The following STK32A variants were observed in gnomAD, a reference collection of about 807,000 sequenced individuals.
STK32A encodes the protein serine/threonine kinase 32A, also known as serine/threonine-protein kinase 32A.
Under a neutral mutation model 53.2 loss-of-function variants are expected in STK32A, and 41 were observed. The ratio of observed to expected loss-of-function variants is 0.77; its 90% confidence interval spans 0.60 to 1.00. The LOEUF (loss-of-function observed/expected upper bound fraction) is 1.00, where lower values mean the gene tolerates loss of function less well. STK32A is among the 50% of genes least tolerant of loss of function. The pLI, the probability that STK32A is intolerant of heterozygous loss-of-function variation, is 0.00. For synonymous variants in STK32A, 166 were observed against 162.8 expected (o/e 1.02, Z -0.15); for missense variants, 458 against 485.8 (o/e 0.94, Z 0.54).
At chr5:147,381,598 A>C (rs1757454224) in intron 11 of STK32A, among the ~76,000 whole-genome samples, 1 of 151,738 alleles carries the variant, frequency 6.6e-6, no homozygotes, top group Non-Finnish European at 1.5e-5. Context: ...AGCTGAGAGC[A>C]TGCCACTTCA....
intron 4 of STK32A, among the ~76,000 whole-genome samples, chr5:147,289,740 A>C (rs758086868): frequency 8.5e-5 from 13 of 152,068 alleles, no homozygotes; most frequent in Non-Finnish European, 1.5e-4. Flanking sequence ...TAGAAAAATG[A>C]AAATTCTTCA....
intron 1 of STK32A, among the ~76,000 whole-genome samples, chr5:147,237,629 T>G (rs1753377971): frequency 6.6e-6 from 1 of 152,156 alleles, no homozygotes; most frequent in Non-Finnish European, 1.5e-5. Flanking sequence ...CTACCCCTAC[T>G]CACTCCCTCT....
chr5:147,312,432 A>T lies in STK32A; in HGVS notation c.261-11466A>T, dbSNP rs1405631692. 7.9e-5 allele frequency among the ~76,000 whole-genome samples: 12 copies of T among 152,176 alleles called. 1 individual carries two copies. The highest frequency in any genetic ancestry group is 7.9e-4 in the Admixed American group (12 of 15,278). On this transcript the variant is annotated intron_variant, in intron 4 of 12. Coordinates refer to ENST00000397936, the MANE Select transcript of STK32A (RefSeq NM_001112724.2). Reference sequence around the variant, plus strand: ...ACACTTACTATAAATATTATATGGTAGTTCTCTCAAATTCATTCTGTTTAC... The same window carrying T: ...ACACTTACTATAAATATTATATGGTTGTTCTCTCAAATTCATTCTGTTTAC...
chr5:147,363,168 G>C (rs1226783036), intron 8 of STK32A, among the ~76,000 whole-genome samples: 1 of 152,138 alleles, frequency 6.6e-6, no homozygotes, highest in Non-Finnish European at 1.5e-5. Context: ...ATAGCTGTGG[G>C]ATAGAGAATC....
intron 5 of STK32A, among the ~76,000 whole-genome samples, chr5:147,341,413 A>G (rs1328935505): frequency 6.6e-6 from 1 of 152,198 alleles, no homozygotes; most frequent in Non-Finnish European, 1.5e-5. Context: ...AGGCACTGGG[A>G]TAGAATATGA....
intron 5 of STK32A, among the ~76,000 whole-genome samples, chr5:147,325,037 G>A (rs1057437816): frequency 1.3e-5 from 2 of 152,068 alleles, no homozygotes; most frequent in African/African-American, 2.4e-5. Context: ...CTAACAAATA[G>A]CGTAGCCAGG....
intron 5 of STK32A, 200 bp from the exon 6 acceptor site, chr5:147,342,806 T>G: frequency 1.8e-6 from 1 of 559,058 alleles, no homozygotes. Flanking sequence ...TGACCTTGGG[T>G]TAAGCTTCAG....
the STK32A span, chr5:147,397,625 A>G: frequency 0.42 from 668,971 of 1,585,866 alleles, 144,729 homozygotes; most frequent in African/African-American, 0.57. Flanking sequence ...TGAGTGGAAC[A>G]CAAAGCTCCT....
chr5:147,253,527 A>AT (rs1012534055), intron 2 of STK32A, among the ~76,000 whole-genome samples: 1 of 151,968 alleles, frequency 6.6e-6, no homozygotes, highest in Non-Finnish European at 1.5e-5. Flanking sequence ...TAATTTTTGC[A>AT]TTTTTTTGGT....
chr5:147,364,451 A>G (rs1456440502), intron 8 of STK32A, among the ~76,000 whole-genome samples: 4 of 152,164 alleles, frequency 2.6e-5, no homozygotes, highest in East Asian at 3.9e-4. Flanking sequence ...TTCCAGCTCA[A>G]TAACTAGTTC....
chr5:147,287,690 G>T (rs77494271), intron 4 of STK32A, among the ~76,000 whole-genome samples: 4,262 of 152,152 alleles, frequency 0.028, 211 homozygotes, highest in African/African-American at 0.099. Context: ...ATGCTGCCAT[G>T]TAAAAAGCTA....
chr5:147,326,311 G>T (rs932216115), intron 5 of STK32A, among the ~76,000 whole-genome samples: 3 of 152,068 alleles, frequency 2.0e-5, no homozygotes, highest in African/African-American at 4.8e-5. Flanking sequence ...GGGCCTTTTT[G>T]TACTGAAATG....
chr5:147,366,766 C>T (rs1756765941), intron 8 of STK32A, among the ~76,000 whole-genome samples: 1 of 152,154 alleles, frequency 6.6e-6, no homozygotes. Context: ...TTGTTGCATT[C>T]ACTTCCAACT....
Position 147,361,425 on chromosome 5 carries a change from T to A in STK32A, c.563-92T>A, listed in dbSNP as rs1428422060. On this transcript the variant is annotated intron_variant, in intron 7 of 12. Coordinates refer to ENST00000397936, the MANE Select transcript of STK32A (RefSeq NM_001112724.2). The stretch of plus-strand genomic sequence containing the variant: ...TCCATAAAAGTGTTTATATTTTTGA[T>A]CCTGGTAATTCTCCTTTGGAGGAAC... 4.7e-6 allele frequency: 4 copies of A among 843,880 alleles called. No homozygotes were observed. In the African/African-American group the frequency reaches 5.1e-5, roughly 11 times the overall value. 52.3% of individuals were successfully genotyped at this position (843,880 alleles called of 1,614,324 possible).
At chr5:147,295,552 T>G (rs911028686) in intron 4 of STK32A, among the ~76,000 whole-genome samples, 1 of 152,242 alleles carries the variant, frequency 6.6e-6, no homozygotes, top group African/African-American at 2.4e-5. Flanking sequence ...TTATGTGAAC[T>G]AAAAGGGATT....
chr5:147,267,267 G>T (rs1196643059), intron 2 of STK32A, among the ~76,000 whole-genome samples: 2 of 152,234 alleles, frequency 1.3e-5, no homozygotes, highest in African/African-American at 4.8e-5. Flanking sequence ...CTCACAGAGG[G>T]TAAATAATTA....
intron 4 of STK32A, among the ~76,000 whole-genome samples, chr5:147,314,051 A>G (rs578193498): frequency 2.7e-4 from 40 of 148,064 alleles, no homozygotes; most frequent in Non-Finnish European, 5.0e-4. Flanking sequence ...AACAAGTACT[A>G]AAAAAAAAAG....
At chr5:147,292,666 C>T (rs562423550) in intron 4 of STK32A, among the ~76,000 whole-genome samples, 436 of 152,112 alleles carry the variant, frequency 2.9e-3, no homozygotes, top group Non-Finnish European at 4.6e-3. Flanking sequence ...GTCGGGAGTT[C>T]GAGACCAGCC....
In STK32A at chr5:147,384,784, G is replaced by A. The variant is rs896298086; in HGVS notation, c.*801G>A. 4 of 221,488 alleles carry A rather than the reference G, an allele frequency of 1.8e-5. No homozygotes were observed. Among genetic ancestry groups the A allele is most frequent in the Admixed American group, 1.6e-4 (3 of 18,264 alleles). 13.7% of individuals were successfully genotyped at this position (221,488 alleles called of 1,614,324 possible). A position where few individuals can be genotyped will look rare whatever the true frequency, so the allele number is the denominator to read the frequency against. ...GTTCCTTGAGGGCTAATTGTCCTCT[G>A]AAGATTAGCAGAGACCTGTATCTGG... On this transcript the variant is annotated 3_prime_UTR_variant, in exon 13 of 13. Coordinates refer to ENST00000397936, the MANE Select transcript of STK32A (RefSeq NM_001112724.2).
Sources: allele counts gnomAD v4.1 joint callset (sites outside exome capture counted in the v4.1 genomes callset), GRCh38; gene constraint gnomAD v4.1.1; transcripts MANE v1.5; gene names NCBI Gene and HGNC (gene_info 2026-07-23, HGNC 2026-07-21).